NRP1: variants seen among roughly 807,000 people sequenced by gnomAD.
NRP1 encodes neuropilin 1.
NRP1 carries 35 observed loss-of-function variants against 106.7 expected under a neutral mutation model. That is an observed-to-expected ratio of 0.33 (90% confidence interval 0.25 to 0.43). The LOEUF (loss-of-function observed/expected upper bound fraction) is 0.43. Ranked by LOEUF, NRP1 falls within the 20% of genes least tolerant of loss-of-function variation. NRP1 has a pLI of 1.00. For missense variants in NRP1, 1,024 were observed against 1,170.4 expected, an observed-to-expected ratio of 0.87 and a Z score of 1.83; for synonymous variants, 437 against 417.9, an observed-to-expected ratio of 1.05 and a Z score of -0.56.
At chr10:33,303,382 T>C (rs1258614882) in intron 2 of NRP1, among the ~76,000 whole-genome samples, 1 of 152,212 alleles carries the variant, frequency 6.6e-6, no homozygotes, top group African/African-American at 2.4e-5. Context: ...ATTATCTTCT[T>C]CCATTTACTA....
chr10:33,251,897 G>C (rs942400916), intron 6 of NRP1, among the ~76,000 whole-genome samples: 1 of 152,088 alleles, frequency 6.6e-6, no homozygotes, highest in African/African-American at 2.4e-5. Flanking sequence ...GTACAGAAGG[G>C]GGAAGGGAAG....
chr10:33,222,790 G>A (rs564102366), intron 7 of NRP1, among the ~76,000 whole-genome samples: 1 of 152,284 alleles, frequency 6.6e-6, no homozygotes. Flanking sequence ...CTCCCAAAGT[G>A]CTGGGATTCT....
chr10:33,307,277 TCTGA>T (rs1323104753), intron 2 of NRP1, among the ~76,000 whole-genome samples: 1 of 152,210 alleles, frequency 6.6e-6, no homozygotes, highest in Non-Finnish European at 1.5e-5. Context: ...ATCAAACCTA[TCTGA>T]CTGCTTGTTT....
chr10:33,211,289 G>A (rs1246362373), intron 9 of NRP1: 1 of 152,148 alleles, frequency 6.6e-6, no homozygotes, highest in African/African-American at 2.4e-5. Flanking sequence ...TGAAGAACAT[G>A]TCACACCAGC....
intron 2 of NRP1, among the ~76,000 whole-genome samples, chr10:33,283,195 T>A (rs531621209): frequency 4.0e-4 from 61 of 152,364 alleles, no homozygotes; most frequent in African/African-American, 1.4e-3. Flanking sequence ...ATATTTATGA[T>A]GCTAGAATGA....
intron 4 of NRP1, among the ~76,000 whole-genome samples, chr10:33,260,323 G>T (rs923147473): frequency 6.6e-6 from 1 of 151,984 alleles, no homozygotes; most frequent in South Asian, 2.1e-4. Flanking sequence ...CTTTTCCCCA[G>T]AAAAAATCTG....
chr10:33,218,280 TTATATCTC>T lies in NRP1; in HGVS notation c.1282+3431_1282+3438del, dbSNP rs376102853. Among the ~76,000 whole-genome samples, 337 of 152,298 alleles carry T rather than the reference TTATATCTC, an allele frequency of 2.2e-3. 1 individual carries two copies. Among genetic ancestry groups the T allele is most frequent in the African/African-American group, 7.8e-3 (325 of 41,570 alleles). ...ATGGTTTGTTCCAATCTTATTTTCT[TTATATCTC>T]TATATGGTGACAAACTCTGAATTTT... is the stretch of plus-strand genomic sequence containing the variant. On this transcript the variant is annotated intron_variant, in intron 8 of 16. Transcript: ENST00000374867.
chr10:33,228,111 C>T (rs1259393074), intron 6 of NRP1, among the ~76,000 whole-genome samples: 1 of 151,404 alleles, frequency 6.6e-6, no homozygotes, highest in Non-Finnish European at 1.5e-5. Flanking sequence ...TTTGCTCCAT[C>T]AATTGTATGC....
Position 33,257,007 on chromosome 10 carries a change from G to A in NRP1, c.659-536C>T, listed in dbSNP as rs986566932. On this transcript the variant is annotated intron_variant, in intron 4 of 16. Coordinates refer to ENST00000374867, the MANE Select transcript of NRP1 (RefSeq NM_003873.7). ...TTCCTCATGCTATCTTTTAGCCCTG[G>A]ATTCTTATTATGATAAACATAACAG... 2.6e-5 allele frequency among the ~76,000 whole-genome samples: 4 copies of A among 152,100 alleles called. No homozygotes were observed. The South Asian group carries it at 8.3e-4, about 32-fold the overall frequency.
At chr10:33,295,707 C>CA (rs908033080) in intron 2 of NRP1, among the ~76,000 whole-genome samples, 2 of 151,854 alleles carry the variant, frequency 1.3e-5, no homozygotes, top group Non-Finnish European at 2.9e-5. Context: ...AACCCAGTCT[C>CA]AAAAAAACAA....
At chr10:33,286,908 T>C (rs761511254) in intron 2 of NRP1, among the ~76,000 whole-genome samples, 20 of 152,186 alleles carry the variant, frequency 1.3e-4, no homozygotes, top group Non-Finnish European at 2.9e-4. Flanking sequence ...AAAAATGTCA[T>C]TGATTCAGGA....
intron 16 of NRP1, among the ~76,000 whole-genome samples, chr10:33,180,900 C>T (rs1459865031): frequency 6.6e-6 from 1 of 152,148 alleles, no homozygotes; most frequent in Non-Finnish European, 1.5e-5. Context: ...CCAAAGTCTA[C>T]AGTAGTTTCA....
intron 11 of NRP1, chr10:33,201,932 C>A (rs556434048): frequency 1.3e-5 from 2 of 152,162 alleles, no homozygotes; most frequent in South Asian, 4.2e-4. Context: ...AGATTTTGTA[C>A]GAATGCATTA....
Position 33,334,452 on chromosome 10 carries a change from G to A in NRP1, c.-70C>T. 1 of 1,368,982 alleles carries A rather than the reference G, an allele frequency of 7.3e-7. No homozygotes were observed. The highest frequency in any genetic ancestry group is 1.2e-5 in the South Asian group (1 of 80,460). The allele number at this position is 1,368,982 out of a possible 1,614,324, so 84.8% of individuals were successfully genotyped here. The stretch of plus-strand genomic sequence containing the variant: ...GTGGGGGGAAATGCAGCAAAGAGGA[G>A]AATCTAAGCGATCCGAAGAGCCCCA... On this transcript the variant is annotated 5_prime_UTR_variant, in exon 1 of 17. Coordinates refer to ENST00000374867, the MANE Select transcript of NRP1 (RefSeq NM_003873.7).
intron 3 of NRP1, among the ~76,000 whole-genome samples, chr10:33,268,397 G>A (rs1843070501): frequency 6.6e-6 from 1 of 152,152 alleles, no homozygotes. Context: ...GAGTCTTTGA[G>A]ACCTTTGGAT....
chr10:33,271,660 G>C (rs1418350348), intron 2 of NRP1, among the ~76,000 whole-genome samples: 1 of 152,100 alleles, frequency 6.6e-6, no homozygotes, highest in East Asian at 1.9e-4. Context: ...ATGACACTAA[G>C]GATACAAATC....
In NRP1 at chr10:33,276,231, A is replaced by C. The variant is rs115968637; in HGVS notation, c.249-5375T>G. Among the ~76,000 whole-genome samples, 792 of 152,338 alleles carry C rather than the reference A, an allele frequency of 5.2e-3. 5 individuals carry two copies. The highest frequency in any genetic ancestry group is 0.017 in the African/African-American group (712 of 41,568). ...CTACCTATATATAAATAAACAAATCAATACCTGTTTGCCTTATTTTCCATT... is the reference window on the plus strand; with the variant it reads ...CTACCTATATATAAATAAACAAATCCATACCTGTTTGCCTTATTTTCCATT... On this transcript the variant is annotated intron_variant, in intron 2 of 16. Transcript: ENST00000374867.
At position 33,330,893 on chromosome 10, in the gene NRP1, AG is replaced by A; in HGVS notation, c.74-12del. 6.3e-7 allele frequency: 1 copy of A among 1,593,776 alleles called. No individual in the cohort carries two copies. The highest frequency in any genetic ancestry group is 1.1e-5 in the South Asian group (1 of 88,932). On this transcript the variant is annotated splice_polypyrimidine_tract_variant and intron_variant, in intron 1 of 16. Transcript: ENST00000374867. ...TATCGCCACATTTATCTGCAATGAAAGTAAGATTTTAGCAGATCTTTCCTGA... is the reference window on the plus strand; with the variant it reads ...TATCGCCACATTTATCTGCAATGAAATAAGATTTTAGCAGATCTTTCCTGA...
chr10:33,293,829 C>T (rs535491798), intron 2 of NRP1, among the ~76,000 whole-genome samples: 13 of 152,322 alleles, frequency 8.5e-5, no homozygotes, highest in Non-Finnish European at 1.3e-4. Context: ...TATTACCACA[C>T]GATGGATTTT....
Sources: gnomAD v4.1 joint callset for allele counts (sites outside exome capture counted in the v4.1 genomes callset) on GRCh38, gnomAD v4.1.1 for gene constraint, MANE v1.5 for transcripts, NCBI Gene and HGNC (gene_info 2026-07-23, HGNC 2026-07-21) for gene names.